Variants in NOS1AP observed in about 807,000 individuals in gnomAD.
NOS1AP encodes the protein nitric oxide synthase 1 adaptor protein, also known as carboxyl-terminal PDZ ligand of neuronal nitric oxide synthase protein.
In NOS1AP, 21 loss-of-function variants were observed where a neutral mutation model predicts 56.2. The ratio of observed to expected loss-of-function variants is 0.37; its 90% CI spans 0.26 to 0.54. The LOEUF (loss-of-function observed/expected upper bound fraction) is 0.54. NOS1AP is among the 20% of genes least tolerant of loss of function. NOS1AP has a pLI of 0.84. For synonymous variants in NOS1AP, 270 were observed against 274.6 expected (o/e 0.98, Z 0.17); for missense variants, 522 against 657.8 (o/e 0.79, Z 2.26).
At chr1:162,166,237 TG>T (rs1269222290) in intron 2 of NOS1AP, among the ~76,000 whole-genome samples, 1 of 152,234 alleles carries the variant, frequency 6.6e-6, no homozygotes, top group Non-Finnish European at 1.5e-5. Context: ...CACTGCTGCC[TG>T]GCTCATCTGT....
At chr1:162,318,863 T>C (rs913524298) in intron 4 of NOS1AP, among the ~76,000 whole-genome samples, 4 of 152,178 alleles carry the variant, frequency 2.6e-5, no homozygotes, top group African/African-American at 9.7e-5. Flanking sequence ...AGTTCTTTTT[T>C]CCTTCTGTGG....
chr1:162,146,086 G>A (rs777815448), intron 1 of NOS1AP, among the ~76,000 whole-genome samples: 46 of 152,192 alleles, frequency 3.0e-4, no homozygotes, highest in Non-Finnish European at 5.4e-4. Flanking sequence ...AAGGAGATGA[G>A]AGCTGGGAGT....
intron 1 of NOS1AP, among the ~76,000 whole-genome samples, chr1:162,079,181 AT>A (rs898076466): frequency 6.6e-6 from 1 of 151,912 alleles, no homozygotes; most frequent in Non-Finnish European, 1.5e-5. Context: ...GATACCCCCA[AT>A]CTCACACAGT....
At chr1:162,118,010 A>ATC (rs1648040521) in intron 1 of NOS1AP, among the ~76,000 whole-genome samples, 1 of 152,244 alleles carries the variant, frequency 6.6e-6, no homozygotes, top group East Asian at 1.9e-4. Flanking sequence ...CACCAGGCGT[A>ATC]TCTCATTGTT....
intron 4 of NOS1AP, among the ~76,000 whole-genome samples, chr1:162,327,129 G>A (rs1047845456): frequency 1.3e-5 from 2 of 152,198 alleles, no homozygotes; most frequent in Non-Finnish European, 2.9e-5. Context: ...GGGTGTGAAG[G>A]AAGAGAGAGT....
chr1:162,290,411 G>C (rs1222305543), intron 3 of NOS1AP, among the ~76,000 whole-genome samples: 1 of 152,096 alleles, frequency 6.6e-6, no homozygotes, highest in Non-Finnish European at 1.5e-5. Flanking sequence ...ACAGTTCTCT[G>C]GTATCTTAAT....
intron 3 of NOS1AP, among the ~76,000 whole-genome samples, chr1:162,293,752 T>A (rs1348870886): frequency 1.3e-5 from 2 of 152,238 alleles, no homozygotes; most frequent in Non-Finnish European, 2.9e-5. Flanking sequence ...CATTTGGAGT[T>A]ACAGACCATG....
At chr1:162,340,503 TC>T (rs1205825978) in intron 5 of NOS1AP, among the ~76,000 whole-genome samples, 1 of 152,266 alleles carries the variant, frequency 6.6e-6, no homozygotes, top group Non-Finnish European at 1.5e-5. Context: ...CACTGCTTTT[TC>T]TTTTCTGTCT....
intron 2 of NOS1AP, among the ~76,000 whole-genome samples, chr1:162,186,579 A>G (rs937948619): frequency 6.6e-6 from 1 of 152,158 alleles, no homozygotes; most frequent in Non-Finnish European, 1.5e-5. Context: ...GGTGGTAATT[A>G]GACTTGGATT....
At chr1:162,321,719 T>TAAA (rs201941230) in intron 4 of NOS1AP, among the ~76,000 whole-genome samples, 115 of 137,872 alleles carry the variant, frequency 8.3e-4, no homozygotes, top group African/African-American at 3.0e-3. Flanking sequence ...AAAGTATAAT[T>TAAA]AAAAAAAAAA....
At chr1:162,193,918 G>A (rs1328349292) in intron 2 of NOS1AP, among the ~76,000 whole-genome samples, 1 of 151,918 alleles carries the variant, frequency 6.6e-6, no homozygotes. Flanking sequence ...TTCTGTCTGA[G>A]CTATTGGCAG....
chr1:162,130,415 A>G (rs1467717062), intron 1 of NOS1AP, among the ~76,000 whole-genome samples: 1 of 152,232 alleles, frequency 6.6e-6, no homozygotes, highest in Non-Finnish European at 1.5e-5. Context: ...GTGGATACTT[A>G]CTGGTTACCC....
chr1:162,229,410 A>G (rs901964595), intron 2 of NOS1AP, among the ~76,000 whole-genome samples: 19 of 152,356 alleles, frequency 1.2e-4, no homozygotes, highest in Admixed American at 7.8e-4. Flanking sequence ...CCTATGGCCA[A>G]TTAGGGTACC....
chr1:162,300,517 T>C, intron 3 of NOS1AP, 116 bp from the exon 4 acceptor site: 1 of 871,916 alleles, frequency 1.1e-6, no homozygotes, highest in Non-Finnish European at 2.0e-6. Flanking sequence ...ACTCCAGGCC[T>C]CTTAGAGGGA....
chr1:162,320,651 C>A (rs1201274363), intron 4 of NOS1AP, among the ~76,000 whole-genome samples: 2 of 151,990 alleles, frequency 1.3e-5, no homozygotes, highest in African/African-American at 4.8e-5. Flanking sequence ...GTCAAGAGAT[C>A]GAGACCATCC....
chr1:162,341,831 A>G (rs766829132), intron 5 of NOS1AP, among the ~76,000 whole-genome samples: 19 of 152,228 alleles, frequency 1.2e-4, no homozygotes, highest in Non-Finnish European at 2.5e-4. Context: ...TTCCTGGCAC[A>G]GCCTCCTAAG....
chr1:162,292,073 G>C (rs777651926), intron 3 of NOS1AP, among the ~76,000 whole-genome samples: 2 of 152,098 alleles, frequency 1.3e-5, no homozygotes, highest in African/African-American at 2.4e-5. Context: ...TTCTAAAAAG[G>C]CTCCATCATT....
intron 9 of NOS1AP, among the ~76,000 whole-genome samples, chr1:162,366,173 A>G (rs1486772768): frequency 2.0e-5 from 3 of 152,186 alleles, no homozygotes; most frequent in Non-Finnish European, 4.4e-5. Context: ...GGGCAGCTGT[A>G]GATCGCAACA....
chr1:162,203,138 T>C (rs1054304803), intron 2 of NOS1AP, among the ~76,000 whole-genome samples: 1 of 139,264 alleles, frequency 7.2e-6, no homozygotes, highest in Non-Finnish European at 1.6e-5. Flanking sequence ...TCATTAGATC[T>C]GGTTTTGCTG....
Sources: gnomAD v4.1 joint callset for allele counts (sites outside exome capture counted in the v4.1 genomes callset) on GRCh38, gnomAD v4.1.1 for gene constraint, MANE v1.5 for transcripts, NCBI Gene and HGNC (gene_info 2026-07-23, HGNC 2026-07-21) for gene names.